MSR1: variants seen among roughly 807,000 people sequenced by gnomAD.
The protein encoded by MSR1 is macrophage scavenger receptor 1.
Under a neutral mutation model 47.2 loss-of-function variants are expected in MSR1, and 53 were observed. The observed-to-expected ratio is 1.12, with a 90% CI of 0.90 to 1.41. MSR1 has a LOEUF of 1.41. Ranked by LOEUF, MSR1 falls within the 40% of genes most tolerant of loss-of-function variation. MSR1 has a pLI of 0.00. For missense variants in MSR1, 786 were observed against 546.9 expected (o/e 1.44, Z -4.36); for synonymous variants, 239 against 185.6 (o/e 1.29, Z -2.34).
At chr8:16,122,152 G>C (rs1172507786) in intron 8 of MSR1, among the ~76,000 whole-genome samples, 1 of 152,004 alleles carries the variant, frequency 6.6e-6, no homozygotes, top group Admixed American at 6.6e-5. Flanking sequence ...GAGTGGATAA[G>C]TCCTTCTTCA....
At chr8:16,154,764 C>A (rs552223696) in intron 6 of MSR1, among the ~76,000 whole-genome samples, 2 of 152,084 alleles carry the variant, frequency 1.3e-5, no homozygotes, top group South Asian at 4.1e-4. Context: ...CTATTATATA[C>A]ATGTCACTAT....
chr8:16,153,687 CCAAGATGAAGCACTGTATGG>C (rs1237472327), intron 6 of MSR1, among the ~76,000 whole-genome samples: 1 of 151,844 alleles, frequency 6.6e-6, no homozygotes, highest in East Asian at 1.9e-4. Flanking sequence ...GAAGATTCTC[CCAAGATGAAGCACTGTATGG>C]CAAGATGTAG....
At chr8:16,133,801 T>A (rs975746459) in intron 8 of MSR1, among the ~76,000 whole-genome samples, 1 of 152,170 alleles carries the variant, frequency 6.6e-6, no homozygotes, top group Admixed American at 6.5e-5. Context: ...TATTTAAGAT[T>A]TCCACTGAAA....
chr8:16,138,110 A>G (rs889888222), intron 8 of MSR1, among the ~76,000 whole-genome samples: 9 of 152,170 alleles, frequency 5.9e-5, no homozygotes, highest in African/African-American at 2.2e-4. Context: ...CTTAGTAAAA[A>G]TCAAATGAAA....
At chr8:16,121,974 C>T (rs1210533864) in intron 8 of MSR1, among the ~76,000 whole-genome samples, 2 of 151,854 alleles carry the variant, frequency 1.3e-5, no homozygotes, top group African/African-American at 4.8e-5. Flanking sequence ...AATTTAATAA[C>T]ATTTAAAGTT....
intron 1 of MSR1, among the ~76,000 whole-genome samples, chr8:16,182,485 G>C (rs544320162): frequency 5.3e-5 from 8 of 151,562 alleles, no homozygotes; most frequent in South Asian, 2.1e-4. Context: ...ATAACACCTG[G>C]CTTAAACCAT....
intron 5 of MSR1, among the ~76,000 whole-genome samples, chr8:16,159,360 C>T (rs566706356): frequency 3.0e-4 from 45 of 151,998 alleles, no homozygotes; most frequent in African/African-American, 1.1e-3. Context: ...ATCACGTTAT[C>T]CCCAACTCTC....
chr8:16,192,394 G>C (rs1802223225), intron 1 of MSR1, among the ~76,000 whole-genome samples: 2 of 151,972 alleles, frequency 1.3e-5, no homozygotes, highest in Middle Eastern at 3.4e-3. Flanking sequence ...GGAAAATTTA[G>C]CAGAAATCCC....
intron 5 of MSR1, among the ~76,000 whole-genome samples, chr8:16,156,479 A>G (rs1585169455): frequency 6.6e-6 from 1 of 151,800 alleles, no homozygotes; most frequent in East Asian, 1.9e-4. Flanking sequence ...TCAAGGTACA[A>G]TTTGGGTTTT....
intron 8 of MSR1, among the ~76,000 whole-genome samples, chr8:16,123,172 A>T (rs189019205): frequency 6.6e-6 from 1 of 152,110 alleles, no homozygotes; most frequent in African/African-American, 2.4e-5. Flanking sequence ...AGGGCCAAAT[A>T]TGCTTGGGTA....
intron 8 of MSR1, chr8:16,139,281 C>T (rs1287784179): frequency 2.9e-5 from 29 of 984,616 alleles, no homozygotes; most frequent in Non-Finnish European, 3.4e-5. Context: ...CGGGGAAAAG[C>T]TATTCCAGTT....
intron 7 of MSR1, among the ~76,000 whole-genome samples, chr8:16,148,760 T>G (rs575994902): frequency 6.6e-6 from 1 of 152,224 alleles, no homozygotes; most frequent in African/African-American, 2.4e-5. Context: ...ACGCCCAGCC[T>G]AAAACTTTGA....
intron 3 of MSR1, among the ~76,000 whole-genome samples, chr8:16,171,998 T>C (rs2117192790): frequency 6.6e-6 from 1 of 152,310 alleles, no homozygotes; most frequent in African/African-American, 2.4e-5. Flanking sequence ...AGGTTTTTGC[T>C]ATGATTAATA....
At chr8:16,188,339 G>GA (rs1239869388) in intron 1 of MSR1, among the ~76,000 whole-genome samples, 4 of 151,610 alleles carry the variant, frequency 2.6e-5, no homozygotes, top group South Asian at 2.1e-4. Flanking sequence ...CCTAATAAAG[G>GA]AAAAAAACCC....
chr8:16,111,792 G>A (rs935679244), intron 9 of MSR1, among the ~76,000 whole-genome samples: 1 of 151,908 alleles, frequency 6.6e-6, no homozygotes, highest in Non-Finnish European at 1.5e-5. Flanking sequence ...AAAACTGAAT[G>A]CCATTATTGT....
At chr8:16,170,847 C>G (rs1339641745) in intron 3 of MSR1, among the ~76,000 whole-genome samples, 1 of 152,120 alleles carries the variant, frequency 6.6e-6, no homozygotes, top group Non-Finnish European at 1.5e-5. Context: ...TTGGTTTTCT[C>G]AATTTGTAAA....
intron 4 of MSR1, among the ~76,000 whole-genome samples, chr8:16,167,120 C>A (rs1801335229): frequency 6.6e-6 from 1 of 152,162 alleles, no homozygotes; most frequent in African/African-American, 2.4e-5. Flanking sequence ...TCTATCGAAA[C>A]TCAAACAGCT....
At chr8:16,161,310 A>G (rs1801156950) in intron 5 of MSR1, among the ~76,000 whole-genome samples, 1 of 151,952 alleles carries the variant, frequency 6.6e-6, no homozygotes, top group South Asian at 2.1e-4. Context: ...CAACAAAAAG[A>G]CTGAAAACGC....
At chr8:16,124,928 A>AAT (rs1800094606) in intron 8 of MSR1, among the ~76,000 whole-genome samples, 1 of 152,214 alleles carries the variant, frequency 6.6e-6, no homozygotes, top group Non-Finnish European at 1.5e-5. Flanking sequence ...AACTGAATTT[A>AAT]ATATTTCATA....
Sources: allele counts gnomAD v4.1 joint callset (sites outside exome capture counted in the v4.1 genomes callset), GRCh38; gene constraint gnomAD v4.1.1; transcripts MANE v1.5; gene names NCBI Gene and HGNC (gene_info 2026-07-23, HGNC 2026-07-21).